The following SNX14 variants were observed in gnomAD, a reference collection of about 807,000 sequenced individuals.
SNX14 encodes the protein sorting nexin-14.
A neutral mutation model predicts 133.8 loss-of-function variants in SNX14; 93 were observed. The observed-to-expected ratio is 0.70, with a 90% confidence interval of 0.59 to 0.83. The LOEUF (loss-of-function observed/expected upper bound fraction) is 0.83. SNX14 is among the 40% of genes least tolerant of loss of function. The pLI is 0.00. For missense variants in SNX14, 945 were observed against 1,094.9 expected (o/e 0.86, Z 1.93); for synonymous variants, 368 against 365.6 (o/e 1.01, Z -0.07).
At chr6:85,563,499 C>T (rs1359935128) in intron 6 of SNX14, among the ~76,000 whole-genome samples, 1 of 152,150 alleles carries the variant, frequency 6.6e-6, no homozygotes, top group African/African-American at 2.4e-5. Flanking sequence ...TAAAGCAATT[C>T]TCCTGCCTTG....
chr6:85,507,681 A>T (rs1444825251), intron 27 of SNX14, among the ~76,000 whole-genome samples: 1 of 152,218 alleles, frequency 6.6e-6, no homozygotes, highest in Non-Finnish European at 1.5e-5. Context: ...GACTTGAATA[A>T]TGGAATTATC....
chr6:85,593,745 G>C lies in SNX14; in HGVS notation c.-27C>G. 6.2e-7 allele frequency: 1 copy of C among 1,612,700 alleles called. No homozygotes were observed. Among genetic ancestry groups the C allele is most frequent in the African/African-American group, 1.3e-5 (1 of 75,046 alleles). The stretch of plus-strand genomic sequence containing the variant: ...TCCGTAACGGCGAGGCCGAGACTGC[G>C]CTACTGGCTGAGGCAGAGGTCAAGG... On this transcript the variant is annotated 5_prime_UTR_variant, in exon 1 of 29. Coordinates refer to ENST00000314673, the MANE Select transcript of SNX14 (RefSeq NM_153816.6).
intron 8 of SNX14, among the ~76,000 whole-genome samples, chr6:85,548,985 A>G (rs1003988402): frequency 2.4e-5 from 2 of 82,018 alleles, no homozygotes; most frequent in Non-Finnish European, 4.3e-5. Flanking sequence ...TTAAAAAAAA[A>G]AAAGAAAGAA....
chr6:85,538,265 T>C (rs1486444934), intron 16 of SNX14, among the ~76,000 whole-genome samples: 2 of 151,368 alleles, frequency 1.3e-5, no homozygotes, highest in Non-Finnish European at 3.0e-5. Flanking sequence ...AACATACAAT[T>C]AGGGTTTTTT....
intron 20 of SNX14, 112 bp from the exon 21 acceptor site, chr6:85,526,349 A>C (rs1243478833): frequency 1.0e-5 from 7 of 686,862 alleles, no homozygotes; most frequent in Non-Finnish European, 1.5e-5. Context: ...TTATATTTAA[A>C]ATAATAACAA....
intron 1 of SNX14, chr6:85,589,269 T>A (rs1246121734): frequency 5.8e-6 from 1 of 172,614 alleles, no homozygotes; most frequent in African/African-American, 2.5e-5. Flanking sequence ...CACTCTGTCA[T>A]CCCAGCTGGA....
chr6:85,562,582 CTTT>C (rs201175458), intron 6 of SNX14, among the ~76,000 whole-genome samples: 1,712 of 94,696 alleles, frequency 0.018, 12 homozygotes, highest in African/African-American at 0.059. Context: ...ACTTTTTGGG[CTTT>C]TTTTTTTTTT....
intron 1 of SNX14, among the ~76,000 whole-genome samples, chr6:85,590,790 G>C (rs750795510): frequency 5.3e-5 from 8 of 152,068 alleles, no homozygotes; most frequent in Non-Finnish European, 1.0e-4. Context: ...AACATGAAAA[G>C]GTACTTTGCA....
At chr6:85,574,907 G>A (rs1796824877) in intron 1 of SNX14, among the ~76,000 whole-genome samples, 1 of 152,176 alleles carries the variant, frequency 6.6e-6, no homozygotes, top group South Asian at 2.1e-4. Flanking sequence ...TGTGTGATAT[G>A]GGAATACCAC....
At chr6:85,555,058 G>A (rs1789198297) in intron 7 of SNX14, among the ~76,000 whole-genome samples, 2 of 152,114 alleles carry the variant, frequency 1.3e-5, no homozygotes, top group Admixed American at 6.6e-5. Flanking sequence ...CTAGGCTCAA[G>A]TGATCCTCCA....
intron 1 of SNX14, chr6:85,589,182 CCTT>C: frequency 5.0e-6 from 1 of 201,236 alleles, no homozygotes; most frequent in Non-Finnish European, 1.0e-5. Flanking sequence ...TAATTGAAAA[CCTT>C]CTGCCATATT....
chr6:85,584,477 G>C (rs1242501978), intron 1 of SNX14, among the ~76,000 whole-genome samples: 1 of 151,924 alleles, frequency 6.6e-6, no homozygotes, highest in African/African-American at 2.4e-5. Context: ...CAGCATGGGA[G>C]AAAATTTCTG....
chr6:85,579,627 T>G (rs931845592), intron 1 of SNX14, among the ~76,000 whole-genome samples: 1 of 152,140 alleles, frequency 6.6e-6, no homozygotes, highest in African/African-American at 2.4e-5. Context: ...TTGTGAGAAT[T>G]TGCACTGAAA....
chr6:85,568,966 C>CTTTTT (rs369775673), intron 4 of SNX14, among the ~76,000 whole-genome samples: 2 of 147,498 alleles, frequency 1.4e-5, no homozygotes, highest in African/African-American at 2.5e-5. Flanking sequence ...CTTTTCTTTT[C>CTTTTT]TTTTTTTTTT....
chr6:85,580,730 G>T (rs1015343892), intron 1 of SNX14, among the ~76,000 whole-genome samples: 1 of 152,152 alleles, frequency 6.6e-6, no homozygotes, highest in Non-Finnish European at 1.5e-5. Context: ...CACTCCCATG[G>T]GCTTATGGTG....
intron 23 of SNX14, among the ~76,000 whole-genome samples, chr6:85,516,419 G>T (rs1436558891): frequency 2.0e-5 from 3 of 151,810 alleles, no homozygotes; most frequent in Non-Finnish European, 2.9e-5. Context: ...TTTTGTAATT[G>T]TTAAAGAAAT....
chr6:85,578,127 A>C (rs1797888170), intron 1 of SNX14, among the ~76,000 whole-genome samples: 1 of 152,152 alleles, frequency 6.6e-6, no homozygotes. Context: ...AGAGGGAAAG[A>C]AGTACAAAAA....
chr6:85,558,122 A>G (rs1190520395), intron 6 of SNX14, 62 bp from the exon 7 acceptor site: 4 of 803,654 alleles, frequency 5.0e-6, no homozygotes, highest in East Asian at 5.0e-5. Flanking sequence ...TGGCAGGTAC[A>G]CTACAATTAT....
intron 21 of SNX14, among the ~76,000 whole-genome samples, 163 bp downstream of exon 21, chr6:85,525,963 A>G (rs570597985): frequency 2.0e-5 from 3 of 152,292 alleles, no homozygotes; most frequent in African/African-American, 7.2e-5. Flanking sequence ...TCAGAACTCA[A>G]AATGGACAGA....
Sources: allele counts gnomAD v4.1 joint callset (sites outside exome capture counted in the v4.1 genomes callset), GRCh38; gene constraint gnomAD v4.1.1; transcripts MANE v1.5; gene names NCBI Gene and HGNC (gene_info 2026-07-23, HGNC 2026-07-21).